Variants in NBPF15 observed in about 807,000 individuals in gnomAD.
The protein encoded by NBPF15 is NBPF family member NBPF15.
NBPF15 carries 74 observed loss-of-function variants against 62.2 expected under a neutral mutation model. The ratio of observed to expected loss-of-function variants is 1.19; its 90% CI spans 0.99 to 1.44. The LOEUF is 1.44. Among genes scored for constraint, NBPF15 ranks in the 40% most tolerant of loss-of-function variants. The pLI is 0.00. For synonymous variants in NBPF15, 244 were observed against 209.7 expected (o/e 1.16, Z -1.41); for missense variants, 790 against 550.0 (o/e 1.44, Z -4.36).
chr1:144,442,105 TATATATATATA>T (rs1683351399), intron 6 of NBPF15, among the ~76,000 whole-genome samples: 1 of 91,266 alleles, frequency 1.1e-5, no homozygotes, highest in South Asian at 3.8e-4. Context: ...CACACGTGTA[TATATATATATA>T]ATATATATAC....
chr1:144,434,383 C>G (rs1159295821), intron 12 of NBPF15, among the ~76,000 whole-genome samples: 3 of 147,940 alleles, frequency 2.0e-5, no homozygotes, highest in Non-Finnish European at 4.5e-5. Flanking sequence ...CACCTGTGGT[C>G]CCAGCAACTC....
intron 13 of NBPF15, among the ~76,000 whole-genome samples, chr1:144,432,219 A>T (rs1674884867): frequency 6.6e-6 from 1 of 152,090 alleles, no homozygotes; most frequent in African/African-American, 2.4e-5. Flanking sequence ...AAGCTTCATA[A>T]GTGAAGGAGA....
chr1:144,456,561 T>G lies in NBPF15; in HGVS notation c.-456A>C. ...CCTGTGGGATCTGGCAGCTCTTCAT[T>G]CAGCCCACACCGTGTGAGGTTGCTC... is the stretch of plus-strand genomic sequence containing the variant. On this transcript the variant is annotated 5_prime_UTR_variant, in exon 4 of 22. An upstream open reading frame in the 5' UTR loses its in-frame stop. Coordinates refer to ENST00000581897, the MANE Select transcript of NBPF15 (RefSeq NM_001385408.1). 2 of 1,482,748 alleles carry G rather than the reference T, an allele frequency of 1.3e-6. No individual in the cohort carries two copies. The highest frequency in any genetic ancestry group is 9.0e-7 in the Non-Finnish European group (1 of 1,106,154). The allele number at this position is 1,482,748 out of a possible 1,614,324, so 91.8% of individuals were successfully genotyped here.
chr1:144,459,157 C>T (rs587630297), intron 3 of NBPF15, among the ~76,000 whole-genome samples: 25 of 152,000 alleles, frequency 1.6e-4, no homozygotes, highest in African/African-American at 5.3e-4. Flanking sequence ...AAAGCACTAA[C>T]CATAAAGGAA....
chr1:144,427,479 C>T (rs1372158394), intron 16 of NBPF15, among the ~76,000 whole-genome samples: 23 of 150,036 alleles, frequency 1.5e-4, no homozygotes, highest in Middle Eastern at 3.4e-3. Context: ...GGATTTTAGA[C>T]GCTGAAATTA....
At chr1:144,433,125 T>C (rs1247122076) in intron 13 of NBPF15, among the ~76,000 whole-genome samples, 1 of 151,950 alleles carries the variant, frequency 6.6e-6, no homozygotes, top group African/African-American at 2.4e-5. Context: ...TGCCATCAAA[T>C]TAGAACCCAG....
chr1:144,438,453 G>C (rs1410393729), intron 8 of NBPF15, among the ~76,000 whole-genome samples: 1 of 151,900 alleles, frequency 6.6e-6, no homozygotes, highest in African/African-American at 2.4e-5. Context: ...GGGACTGATG[G>C]TTTCCCTTTT....
At chr1:144,427,792 T>G (rs1335075755) in intron 16 of NBPF15, 26 bp downstream of exon 16, 1 of 662,474 alleles carries the variant, frequency 1.5e-6, no homozygotes, top group Middle Eastern at 4.0e-4. Context: ...AGTGGATCCT[T>G]ATCACCTTCA....
intron 6 of NBPF15, among the ~76,000 whole-genome samples, chr1:144,447,456 C>A (rs1402580270): frequency 6.6e-6 from 1 of 151,832 alleles, no homozygotes; most frequent in African/African-American, 2.4e-5. Flanking sequence ...ACGGACCTCA[C>A]CTTCCTCTCA....
chr1:144,454,909 G>C (rs587629333), intron 4 of NBPF15, among the ~76,000 whole-genome samples: 1 of 150,392 alleles, frequency 6.6e-6, no homozygotes, highest in African/African-American at 2.5e-5. Flanking sequence ...GCTACAGGAC[G>C]AGCTCCCTGC....
At chr1:144,436,843 A>T (rs1398455370) in intron 10 of NBPF15, 52 bp downstream of exon 10, 22 of 1,603,480 alleles carry the variant, frequency 1.4e-5, no homozygotes, top group Middle Eastern at 4.5e-4. Flanking sequence ...GGAGGTCTGG[A>T]GTCTCTCATA....
Position 144,422,974 on chromosome 1 carries a change from G to C in NBPF15, c.*39C>G, listed in dbSNP as rs587628847. 1 of 1,611,624 alleles carries C rather than the reference G, an allele frequency of 6.2e-7. No individual in the cohort carries two copies. The highest frequency in any genetic ancestry group is 1.7e-5 in the Admixed American group (1 of 59,974). ...AAATCTTCTCGTGCCTATAGGTCCTGCCTGCAGGAATGACATCTCTCGGCT... is the reference window on the plus strand; with the variant it reads ...AAATCTTCTCGTGCCTATAGGTCCTCCCTGCAGGAATGACATCTCTCGGCT... On this transcript the variant is annotated 3_prime_UTR_variant, in exon 22 of 22. Coordinates refer to ENST00000581897, the MANE Select transcript of NBPF15 (RefSeq NM_001385408.1).
At chr1:144,444,064 A>C (rs1368016180) in intron 6 of NBPF15, among the ~76,000 whole-genome samples, 1 of 151,912 alleles carries the variant, frequency 6.6e-6, no homozygotes, top group Non-Finnish European at 1.5e-5. Flanking sequence ...AATGTCTTGT[A>C]AATACTGAGT....
intron 2 of NBPF15, 121 bp from the exon 3 acceptor site, chr1:144,459,604 A>G (rs1553547873): frequency 1.3e-5 from 2 of 151,912 alleles, no homozygotes; most frequent in Non-Finnish European, 1.5e-5. Flanking sequence ...ATATCGTAGA[A>G]AGGACACATA....
intron 17 of NBPF15, 88 bp downstream of exon 17, chr1:144,426,959 A>G (rs1352893116): frequency 2.0e-5 from 13 of 664,722 alleles, no homozygotes; most frequent in Middle Eastern, 8.2e-4. Flanking sequence ...CGTTGAAAAC[A>G]TGAAATTGAA....
chr1:144,436,257 A>G (rs1678242502), intron 10 of NBPF15, among the ~76,000 whole-genome samples: 1 of 152,000 alleles, frequency 6.6e-6, no homozygotes, highest in Non-Finnish European at 1.5e-5. Context: ...ACAGTCCTCT[A>G]TGCATCAGAA....
In NBPF15 at chr1:144,424,121, G is replaced by A. The variant is rs1271176816; in HGVS notation, c.1664-146C>T. On this transcript the variant is annotated intron_variant, in intron 20 of 21. Transcript: ENST00000581897. ...AGAGATATATTTCAGGAGGTCTGAA[G>A]GCTGGTCATGATATAAATTCCTCAG... 6 of 730,764 alleles carry A rather than the reference G, an allele frequency of 8.2e-6. No individual in the cohort carries two copies. The Admixed American group carries it at 9.5e-5, about 12-fold the overall frequency. The allele number at this position is 730,764 out of a possible 1,614,324, so 45.3% of individuals were successfully genotyped here.
intron 3 of NBPF15, among the ~76,000 whole-genome samples, chr1:144,458,770 T>C (rs1650121164): frequency 6.6e-6 from 1 of 152,108 alleles, no homozygotes; most frequent in Non-Finnish European, 1.5e-5. Context: ...CCGGGTGGGG[T>C]GGCTCATGCC....
chr1:144,423,096 G>A lies in NBPF15; in HGVS notation c.1930C>T (p.Leu644Phe). Residue 644 changes from leucine (L) to phenylalanine (F), a missense_variant, in exon 22 of 22, where the codon CTT becomes TTT. Leu to Phe is a conservative substitution (Grantham distance 22). Transcript: ENST00000581897. ...SFEEEHISFALYVDNRFFTLT... is the reference protein window; with the variant it reads ...SFEEEHISFAFYVDNRFFTLT... ...GTAAAAAACCTATTGTCCACGTAAA[G>A]GGCGAAGCTGATATGCTCTTCCTCA... 2 of 1,611,648 alleles carry A rather than the reference G, an allele frequency of 1.2e-6. No homozygotes were observed. The highest frequency in any genetic ancestry group is 1.1e-5 in the South Asian group (1 of 90,968).
Sources: allele counts gnomAD v4.1 joint callset (sites outside exome capture counted in the v4.1 genomes callset), GRCh38; gene constraint gnomAD v4.1.1; transcripts MANE v1.5; gene names NCBI Gene and HGNC (gene_info 2026-07-23, HGNC 2026-07-21).